The following COL23A1 variants were observed in gnomAD, a reference collection of about 807,000 sequenced individuals.
COL23A1 encodes collagen type XXIII alpha 1 chain.
Under a neutral mutation model 99.3 loss-of-function variants are expected in COL23A1, and 97 were observed. That is an observed-to-expected ratio of 0.98 (90% CI 0.83 to 1.16). The LOEUF (loss-of-function observed/expected upper bound fraction) is 1.16. COL23A1 is among the 50% of genes most tolerant of loss of function. COL23A1 has a pLI of 0.00. For missense variants in COL23A1, 762 were observed against 757.4 expected, an observed-to-expected ratio of 1.01 and a Z score of -0.07; for synonymous variants, 320 against 308.2, an observed-to-expected ratio of 1.04 and a Z score of -0.40.
At chr5:178,408,910 G>A (rs989542201) in intron 2 of COL23A1, among the ~76,000 whole-genome samples, 7 of 147,104 alleles carry the variant, frequency 4.8e-5, no homozygotes, top group African/African-American at 1.0e-4. Flanking sequence ...AGCCAAGACC[G>A]TGCCACTGCA....
intron 2 of COL23A1, among the ~76,000 whole-genome samples, chr5:178,361,093 T>G (rs964805096): frequency 2.6e-5 from 4 of 152,218 alleles, no homozygotes; most frequent in Admixed American, 1.3e-4. Context: ...TCTCTAGCTA[T>G]TCTTGTGCCA....
At chr5:178,339,841 C>T (rs1760554064) in intron 2 of COL23A1, among the ~76,000 whole-genome samples, 1 of 152,184 alleles carries the variant, frequency 6.6e-6, no homozygotes, top group Admixed American at 6.5e-5. Flanking sequence ...CTCTGTGGGG[C>T]TGGCAGAGAG....
intron 2 of COL23A1, among the ~76,000 whole-genome samples, chr5:178,329,141 T>C (rs1430349552): frequency 2.0e-5 from 3 of 152,242 alleles, no homozygotes; most frequent in African/African-American, 7.2e-5. Flanking sequence ...TTCTGCTCAC[T>C]GTCCCCCATA....
intron 2 of COL23A1, among the ~76,000 whole-genome samples, chr5:178,470,465 T>G (rs1581450410): frequency 1.3e-5 from 2 of 151,844 alleles, no homozygotes; most frequent in East Asian, 3.9e-4. Context: ...GACTCCCAGC[T>G]CCCCACCCAG....
chr5:178,546,517 C>T (rs1000880631), intron 2 of COL23A1, among the ~76,000 whole-genome samples: 1 of 152,168 alleles, frequency 6.6e-6, no homozygotes, highest in Non-Finnish European at 1.5e-5. Context: ...CAAAGCTGGC[C>T]GTCTGCCCCC....
intron 2 of COL23A1, among the ~76,000 whole-genome samples, chr5:178,448,738 G>A (rs560048561): frequency 3.3e-5 from 5 of 151,892 alleles, no homozygotes; most frequent in South Asian, 2.1e-4. Context: ...CTCCACTTCC[G>A]TATACTGCTG....
intron 2 of COL23A1, among the ~76,000 whole-genome samples, chr5:178,533,367 C>T (rs537951972): frequency 7.0e-4 from 106 of 152,324 alleles, no homozygotes; most frequent in African/African-American, 2.5e-3. Flanking sequence ...CCCGTGGCAA[C>T]CGTGACTCCA....
chr5:178,438,331 A>G (rs181268783), intron 2 of COL23A1, among the ~76,000 whole-genome samples: 9 of 152,362 alleles, frequency 5.9e-5, no homozygotes, highest in African/African-American at 2.2e-4. Flanking sequence ...GGAGGGGGAA[A>G]AAAAGGTATG....
intron 2 of COL23A1, among the ~76,000 whole-genome samples, chr5:178,513,689 A>G (rs1338547077): frequency 1.3e-5 from 2 of 151,352 alleles, no homozygotes; most frequent in African/African-American, 4.9e-5. Flanking sequence ...GTCGGTTCCT[A>G]TGGGTGTAGG....
chr5:178,431,469 G>A (rs565329836), intron 2 of COL23A1, among the ~76,000 whole-genome samples: 1 of 152,336 alleles, frequency 6.6e-6, no homozygotes, highest in South Asian at 2.1e-4. Context: ...CTGCAGATGT[G>A]ATGAAGTTCC....
At position 178,517,902 on chromosome 5, in the gene COL23A1, T is replaced by A. The variant is rs1232696891; in HGVS notation, c.361+42780A>T. Among the ~76,000 whole-genome samples, 697 of 103,606 alleles carry A rather than the reference T, an allele frequency of 6.7e-3. 7 individuals are homozygous for A. Among genetic ancestry groups the A allele is most frequent in the African/African-American group, 0.02 (441 of 22,366 alleles). The allele number at this position is 103,606 out of a possible 152,430, so 68.0% of individuals were successfully genotyped here. A position where few individuals can be genotyped will look rare whatever the true frequency, so the allele number is the denominator to read the frequency against. Reference sequence around the variant, plus strand: ...TTTTTTTTTTTTTTTTTTTTTTTTTTAATTTATTTTTTTATTGATAATTCT... The same window carrying A: ...TTTTTTTTTTTTTTTTTTTTTTTTTAAATTTATTTTTTTATTGATAATTCT... On this transcript the variant is annotated intron_variant, in intron 2 of 28. Transcript: ENST00000390654.
At chr5:178,346,992 C>T (rs565011201) in intron 2 of COL23A1, among the ~76,000 whole-genome samples, 7 of 152,314 alleles carry the variant, frequency 4.6e-5, no homozygotes, top group East Asian at 1.9e-4. Context: ...GGTCTCCTTA[C>T]GGCCTCCAGG....
chr5:178,458,466 G>A (rs919136470), intron 2 of COL23A1, among the ~76,000 whole-genome samples: 9 of 152,006 alleles, frequency 5.9e-5, no homozygotes, highest in African/African-American at 2.2e-4. Flanking sequence ...GTGAAACTCC[G>A]TCTTGACTAA....
Position 178,365,018 on chromosome 5 carries a change from T to C in COL23A1, c.362-58099A>G, listed in dbSNP as rs1762385785. Among the ~76,000 whole-genome samples, 1 of 152,168 alleles carries C rather than the reference T, an allele frequency of 6.6e-6. No homozygotes were observed. Among genetic ancestry groups the C allele is most frequent in the Non-Finnish European group, 1.5e-5 (1 of 68,038 alleles). On this transcript the variant is annotated intron_variant, in intron 2 of 28. Transcript: ENST00000390654. The surrounding 1 kb of genome is among the most constrained non-coding windows in gnomAD (Gnocchi z 5.2). ...AATTTATTAAGCAATGGGCTCTTCCTGTCAGGCGAATAAACAGATGCACAA... is the reference window on the plus strand; with the variant it reads ...AATTTATTAAGCAATGGGCTCTTCCCGTCAGGCGAATAAACAGATGCACAA...
In COL23A1 at chr5:178,302,975, A is replaced by G. The variant is rs534184613; in HGVS notation, c.406+3900T>C. Among the ~76,000 whole-genome samples the G allele has an allele frequency of 5.9e-5, 9 of 152,324 alleles. No homozygotes were observed. The South Asian group carries it at 1.7e-3, about 28-fold the overall frequency. On this transcript the variant is annotated intron_variant, in intron 3 of 28. Coordinates refer to ENST00000390654, the MANE Select transcript of COL23A1 (RefSeq NM_173465.4). ...CAAGTGGCTGCTAGTTTTCACAAAC[A>G]AGTACTGTGGTTGTGACACTGCTGT...
chr5:178,557,781 T>G (rs1273919608), intron 2 of COL23A1, among the ~76,000 whole-genome samples: 2 of 152,110 alleles, frequency 1.3e-5, no homozygotes, highest in East Asian at 3.9e-4. Flanking sequence ...AGTTAGGACT[T>G]CTGGTGTTGG....
chr5:178,508,924 T>C (rs1759035412), intron 2 of COL23A1, among the ~76,000 whole-genome samples: 1 of 152,284 alleles, frequency 6.6e-6, no homozygotes, highest in East Asian at 1.9e-4. Flanking sequence ...GGGCTTTCAG[T>C]TGCACTTAGG....
chr5:178,488,560 G>A (rs1757755323), intron 2 of COL23A1, among the ~76,000 whole-genome samples: 1 of 151,956 alleles, frequency 6.6e-6, no homozygotes, highest in South Asian at 2.1e-4. Context: ...GAGACCTATC[G>A]TTGAAGTCTT....
rs2127825640 is a variant in COL23A1 at position 178,434,838 on chromosome 5, C to G, written c.361+125844G>C. Among the ~76,000 whole-genome samples the G allele has an allele frequency of 6.6e-6, 1 of 152,366 alleles. No homozygotes were observed. The highest frequency in any genetic ancestry group is 1.9e-4 in the East Asian group (1 of 5,184). ...ATGGAGATGGGATTCCAGCTCAGGG[C>G]TGGTTTCAAAGCCTCTGCCCGCTGC... On this transcript the variant is annotated intron_variant, in intron 2 of 28. Coordinates refer to ENST00000390654, the MANE Select transcript of COL23A1 (RefSeq NM_173465.4). This position sits in a 1 kb window ranked among gnomAD's most constrained non-coding sequence, Gnocchi z 4.3.
Sources: allele counts gnomAD v4.1 joint callset (sites outside exome capture counted in the v4.1 genomes callset), GRCh38; gene constraint gnomAD v4.1.1; non-coding constraint Gnocchi (gnomAD v3.1); transcripts MANE v1.5; gene names NCBI Gene and HGNC (gene_info 2026-07-23, HGNC 2026-07-21).